The following SEMA3A variants were observed in gnomAD, a reference collection of about 807,000 sequenced individuals.
SEMA3A encodes semaphorin-3A.
In SEMA3A, 29 loss-of-function variants were observed where a neutral mutation model predicts 97.9. The observed-to-expected ratio is 0.30, with a 90% confidence interval of 0.22 to 0.40. The LOEUF (loss-of-function observed/expected upper bound fraction) is 0.40. Ranked by LOEUF, SEMA3A falls within the 10% of genes least tolerant of loss-of-function variation. The pLI is 1.00. For missense variants in SEMA3A, 763 were observed against 951.3 expected (o/e 0.80, Z 2.60); for synonymous variants, 321 against 323.7 (o/e 0.99, Z 0.09).
In SEMA3A at chr7:84,077,050, G is replaced by C. The variant is rs1277532447; in HGVS notation, c.454-16492C>G. On this transcript the variant is annotated intron_variant, in intron 4 of 16. Coordinates refer to ENST00000265362, the MANE Select transcript of SEMA3A (RefSeq NM_006080.3). Reference sequence around the variant, plus strand: ...TGCCATGGTATAATTATTCAGCTATGAATGCCTGTTAACTCCCAAGATGTA... The same window carrying C: ...TGCCATGGTATAATTATTCAGCTATCAATGCCTGTTAACTCCCAAGATGTA... Among the ~76,000 whole-genome samples, 5 of 152,180 alleles carry C rather than the reference G, an allele frequency of 3.3e-5. No individual in the cohort carries two copies. In the East Asian group the frequency reaches 9.7e-4, roughly 29 times the overall value.
chr7:84,313,391 TATATATATATATATA>T (rs1801409332), intron 2 of SEMA3A, among the ~76,000 whole-genome samples: 2 of 87,164 alleles, frequency 2.3e-5, no homozygotes, highest in East Asian at 4.1e-4. Context: ...TATATATATA[TATATATATATATATA>T]AACTATACGT....
intron 3 of SEMA3A, among the ~76,000 whole-genome samples, chr7:84,202,836 A>T (rs1056484525): frequency 2.6e-5 from 4 of 152,128 alleles, no homozygotes; most frequent in African/African-American, 9.7e-5. Flanking sequence ...ATGCCAATTT[A>T]TCTCTTTTTT....
chr7:84,013,921 C>A (rs1790988086), intron 7 of SEMA3A, among the ~76,000 whole-genome samples: 1 of 152,142 alleles, frequency 6.6e-6, no homozygotes, highest in Admixed American at 6.5e-5. Flanking sequence ...AAATTACCTT[C>A]TCCCAGGTAA....
At chr7:84,229,947 C>T (rs137880400) in intron 3 of SEMA3A, among the ~76,000 whole-genome samples, 32 of 152,072 alleles carry the variant, frequency 2.1e-4, no homozygotes, top group East Asian at 1.5e-3. Flanking sequence ...CCTTCTCAGA[C>T]GACAAATTAA....
At chr7:84,247,210 A>T (rs111255078) in intron 3 of SEMA3A, among the ~76,000 whole-genome samples, 11,142 of 152,166 alleles carry the variant, frequency 0.073, 1,393 homozygotes, top group African/African-American at 0.25. Flanking sequence ...ATGTAGGTGA[A>T]TTAGTTTTCT....
At chr7:84,435,678 A>C (rs1276213296) in intron 1 of SEMA3A, among the ~76,000 whole-genome samples, 22 of 152,178 alleles carry the variant, frequency 1.4e-4, no homozygotes, top group Admixed American at 1.4e-3. Flanking sequence ...AATAGATGAC[A>C]CAAACAAATG....
chr7:84,223,908 C>T (rs937008815), intron 3 of SEMA3A, among the ~76,000 whole-genome samples: 15 of 151,772 alleles, frequency 9.9e-5, no homozygotes, highest in Middle Eastern at 3.4e-3. Context: ...TCCAGGCATA[C>T]ATAAGGATAA....
chr7:84,407,470 A>C (rs940097423), intron 1 of SEMA3A, among the ~76,000 whole-genome samples: 3 of 152,122 alleles, frequency 2.0e-5, no homozygotes, highest in African/African-American at 7.2e-5. Flanking sequence ...CATACTGCCC[A>C]AGGTAATTTA....
intron 3 of SEMA3A, among the ~76,000 whole-genome samples, chr7:84,222,853 T>A (rs1379720656): frequency 6.6e-6 from 1 of 151,850 alleles, no homozygotes; most frequent in African/African-American, 2.4e-5. Context: ...CTAGGGAAGC[T>A]TTTGCAAAAT....
intron 1 of SEMA3A, among the ~76,000 whole-genome samples, chr7:84,400,932 C>T (rs1474632963): frequency 1.3e-5 from 2 of 152,244 alleles, no homozygotes; most frequent in East Asian, 3.9e-4. Context: ...TTGGGAAAAA[C>T]TGAAAGCTTT....
chr7:84,105,352 G>C lies in SEMA3A; in HGVS notation c.453+5118C>G, dbSNP rs531690137. Among the ~76,000 whole-genome samples the C allele has an allele frequency of 8.5e-5, 13 of 152,252 alleles. No homozygotes were observed. In the South Asian group the frequency reaches 2.7e-3, roughly 32 times the overall value. On this transcript the variant is annotated intron_variant, in intron 4 of 16. Transcript: ENST00000265362. ...TTTTGGCCTGGGGCACTGTTACTAA[G>C]AGGATTGATTCAAAGTTTTGCATCA...
chr7:84,289,883 A>T lies in SEMA3A; in HGVS notation c.-83+17324T>A, dbSNP rs748568461. Among the ~76,000 whole-genome samples, 8 of 152,174 alleles carry T rather than the reference A, an allele frequency of 5.3e-5. 1 individual carries two copies. The highest frequency in any genetic ancestry group is 1.0e-4 in the Non-Finnish European group (7 of 68,022). Reference sequence around the variant, plus strand: ...AAAAAATCTAAATGGCCATTGATTGATAAATGGTGTATAAATTGTGGCATA... The same window carrying T: ...AAAAAATCTAAATGGCCATTGATTGTTAAATGGTGTATAAATTGTGGCATA... On this transcript the variant is annotated intron_variant, in intron 3 of 3. Transcript: ENST00000424555.
rs556179090 is a variant in SEMA3A, at chr7:84,008,153, C to CA, written c.996-657dup. Among the ~76,000 whole-genome samples the CA allele has an allele frequency of 3.1e-3, 472 of 152,150 alleles. 2 individuals are homozygous for CA. Among genetic ancestry groups the CA allele is most frequent in the African/African-American group, 0.011 (437 of 41,526 alleles). ...CTAAACAAAAATTTTGTTCGCTAAA[C>CA]AAAAAATCAGATAGACTGGAAGTAA... On this transcript the variant is annotated intron_variant, in intron 9 of 16. Transcript: ENST00000265362.
intron 1 of SEMA3A, among the ~76,000 whole-genome samples, chr7:84,154,686 A>T: frequency 6.9e-6 from 1 of 145,576 alleles, no homozygotes; most frequent in African/African-American, 2.7e-5. Flanking sequence ...AGGGAAAAAA[A>T]AAAACAAAAA....
intron 1 of SEMA3A, among the ~76,000 whole-genome samples, chr7:84,410,998 G>T (rs144772583): frequency 6.6e-6 from 1 of 152,004 alleles, no homozygotes; most frequent in African/African-American, 2.4e-5. Flanking sequence ...AAATCTGAAG[G>T]TTTAAGATAG....
intron 16 of SEMA3A, among the ~76,000 whole-genome samples, 155 bp from the exon 17 acceptor site, chr7:83,961,981 C>T (rs1788491646): frequency 1.3e-5 from 2 of 151,990 alleles, no homozygotes; most frequent in African/African-American, 4.8e-5. Flanking sequence ...AGCATTTTCC[C>T]ATTAGGAGAA....
chr7:84,456,458 C>A (rs1180643386), intron 1 of SEMA3A, among the ~76,000 whole-genome samples: 1 of 151,792 alleles, frequency 6.6e-6, no homozygotes, highest in African/African-American at 2.4e-5. Flanking sequence ...TTTAAAAGCA[C>A]CATCTTTTAA....
At chr7:84,473,946 G>A (rs74423710) in intron 1 of SEMA3A, among the ~76,000 whole-genome samples, 6,433 of 152,090 alleles carry the variant, frequency 0.042, 426 homozygotes, top group African/African-American at 0.15. Context: ...TCCCTGAGCC[G>A]CACATAAGTC....
At chr7:84,477,073 A>ATATAT (rs1554394128) in intron 1 of SEMA3A, among the ~76,000 whole-genome samples, 6 of 140,570 alleles carry the variant, frequency 4.3e-5, no homozygotes, top group African/African-American at 1.6e-4. Flanking sequence ...AAAAAAAAAA[A>ATATAT]ATATATATAT....
Sources: gnomAD v4.1 joint callset for allele counts (sites outside exome capture counted in the v4.1 genomes callset) on GRCh38, gnomAD v4.1.1 for gene constraint, MANE v1.5 for transcripts, NCBI Gene and HGNC (gene_info 2026-07-23, HGNC 2026-07-21) for gene names.